Variants in GRIA4 observed in about 807,000 individuals in gnomAD.
The protein encoded by GRIA4 is glutamate receptor 4.
In GRIA4, 34 loss-of-function variants were observed where a neutral mutation model predicts 104.0. That is an observed-to-expected ratio of 0.33 (90% CI 0.25 to 0.44). The LOEUF is 0.44. GRIA4 is among the 20% of genes least tolerant of loss of function. The pLI, the probability that GRIA4 is intolerant of heterozygous loss-of-function variation, is 1.00. For missense variants in GRIA4, 750 were observed against 1,096.5 expected (o/e 0.68, Z 4.46); for synonymous variants, 386 against 381.9 (o/e 1.01, Z -0.13).
chr11:105,783,232 AT>A (rs761061536), intron 4 of GRIA4, among the ~76,000 whole-genome samples: 21 of 152,350 alleles, frequency 1.4e-4, no homozygotes, highest in Non-Finnish European at 2.6e-4. Flanking sequence ...GAAAATATGC[AT>A]ATTAGCTTTA....
chr11:105,891,588 G>C (rs1348367142), intron 6 of GRIA4, among the ~76,000 whole-genome samples: 1 of 152,064 alleles, frequency 6.6e-6, no homozygotes, highest in African/African-American at 2.4e-5. Flanking sequence ...GTTTTGTTTA[G>C]GCTGTTATCT....
At chr11:105,973,662 T>C (rs959783889) in intron 15 of GRIA4, among the ~76,000 whole-genome samples, 4 of 152,150 alleles carry the variant, frequency 2.6e-5, no homozygotes, top group Non-Finnish European at 4.4e-5. Flanking sequence ...TACACATAGA[T>C]AATTATTTCT....
intron 4 of GRIA4, among the ~76,000 whole-genome samples, chr11:105,768,880 C>T (rs1034715996): frequency 2.0e-5 from 3 of 151,778 alleles, no homozygotes; most frequent in African/African-American, 7.3e-5. Context: ...CAAAGAAGAC[C>T]CCATATCAGA....
intron 3 of GRIA4, among the ~76,000 whole-genome samples, chr11:105,656,091 G>A (rs1951835686): frequency 6.6e-6 from 1 of 152,168 alleles, no homozygotes; most frequent in Non-Finnish European, 1.5e-5. Context: ...CAGTGATGAT[G>A]AGCTTCTCTT....
At chr11:105,933,690 C>A (rs1318946102) in intron 13 of GRIA4, 32 bp from the exon 14 acceptor site, 1 of 1,473,628 alleles carries the variant, frequency 6.8e-7, no homozygotes, top group Admixed American at 2.1e-5. Context: ...TCCCTTCTTT[C>A]CTGTATTTAA....
chr11:105,792,635 C>A (rs950784616), intron 4 of GRIA4, among the ~76,000 whole-genome samples: 22 of 152,074 alleles, frequency 1.4e-4, no homozygotes, highest in African/African-American at 5.3e-4. Context: ...TTTTAACATA[C>A]CTGAAGATAT....
chr11:105,835,378 G>T (rs564067578), intron 4 of GRIA4, among the ~76,000 whole-genome samples: 1 of 151,912 alleles, frequency 6.6e-6, no homozygotes, highest in Non-Finnish European at 1.5e-5. Flanking sequence ...TCTGTGAAAA[G>T]ACAGCTAGAT....
At chr11:105,798,567 T>A (rs1392571188) in intron 4 of GRIA4, among the ~76,000 whole-genome samples, 1 of 152,154 alleles carries the variant, frequency 6.6e-6, no homozygotes, top group African/African-American at 2.4e-5. Flanking sequence ...TATTTTAGGA[T>A]CTGTCTGTAT....
chr11:105,743,159 T>C (rs1939421907), intron 3 of GRIA4, among the ~76,000 whole-genome samples: 1 of 152,174 alleles, frequency 6.6e-6, no homozygotes, highest in South Asian at 2.1e-4. Flanking sequence ...ATCCCTGAGG[T>C]ATTTTAAATG....
At chr11:105,867,603 G>T (rs1363434715) in intron 5 of GRIA4, among the ~76,000 whole-genome samples, 1 of 152,148 alleles carries the variant, frequency 6.6e-6, no homozygotes, top group Admixed American at 6.6e-5. Flanking sequence ...CCCATAACTG[G>T]TTGAGTCAAT....
At chr11:105,871,719 A>T (rs1945623397) in intron 5 of GRIA4, among the ~76,000 whole-genome samples, 1 of 151,962 alleles carries the variant, frequency 6.6e-6, no homozygotes, top group East Asian at 1.9e-4. Flanking sequence ...AAAGAGAATG[A>T]CTTTGAAGTC....
intron 3 of GRIA4, among the ~76,000 whole-genome samples, chr11:105,638,824 G>A (rs186709383): frequency 2.4e-4 from 37 of 152,020 alleles, no homozygotes; most frequent in Non-Finnish European, 4.0e-4. Context: ...AGAGCTCACT[G>A]TCTCTTCCTT....
At chr11:105,943,666 T>A (rs1033293003) in intron 14 of GRIA4, among the ~76,000 whole-genome samples, 1 of 152,074 alleles carries the variant, frequency 6.6e-6, no homozygotes, top group African/African-American at 2.4e-5. Flanking sequence ...TTTTACCCAA[T>A]CCAGGCAGTA....
At chr11:105,766,184 C>T (rs73635730) in intron 4 of GRIA4, among the ~76,000 whole-genome samples, 1,586 of 152,194 alleles carry the variant, frequency 0.01, 29 homozygotes, top group African/African-American at 0.036. Context: ...AAATAGAACT[C>T]AAGCCTTTCT....
chr11:105,631,479 C>G (rs181482875), intron 3 of GRIA4, among the ~76,000 whole-genome samples: 1 of 152,344 alleles, frequency 6.6e-6, no homozygotes, highest in African/African-American at 2.4e-5. Flanking sequence ...TTAGACTCAA[C>G]AACTGTGAAT....
intron 14 of GRIA4, among the ~76,000 whole-genome samples, chr11:105,964,173 A>G (rs1003642258): frequency 6.6e-6 from 1 of 152,172 alleles, no homozygotes; most frequent in African/African-American, 2.4e-5. Context: ...TGATTAAACT[A>G]ACAACTTGAT....
intron 3 of GRIA4, among the ~76,000 whole-genome samples, chr11:105,728,767 A>G (rs180796381): frequency 5.4e-4 from 83 of 152,320 alleles, no homozygotes; most frequent in South Asian, 4.4e-3. Context: ...ATAAATAACG[A>G]AATTAAGGCA....
chr11:105,877,340 AT>A (rs1217988362), intron 5 of GRIA4, among the ~76,000 whole-genome samples: 1 of 151,822 alleles, frequency 6.6e-6, no homozygotes, highest in African/African-American at 2.4e-5. Context: ...TGCCCTTAAC[AT>A]TTTTTCCTTC....
At chr11:105,890,902 A>G (rs1272467711) in intron 6 of GRIA4, among the ~76,000 whole-genome samples, 2 of 152,220 alleles carry the variant, frequency 1.3e-5, no homozygotes, top group African/African-American at 4.8e-5. Context: ...TCTATGTCCT[A>G]TATGGGATTT....
Sources: allele counts gnomAD v4.1 joint callset (sites outside exome capture counted in the v4.1 genomes callset), GRCh38; gene constraint gnomAD v4.1.1; transcripts MANE v1.5; gene names NCBI Gene and HGNC (gene_info 2026-07-23, HGNC 2026-07-21).